Variants in BTRC observed in about 807,000 individuals in gnomAD.
The protein encoded by BTRC is F-box/WD repeat-containing protein 1A.
A neutral mutation model predicts 85.5 loss-of-function variants in BTRC; 42 were observed. The observed-to-expected ratio is 0.49, with a 90% CI of 0.38 to 0.64. BTRC has a LOEUF of 0.64. Among genes scored for constraint, BTRC ranks in the 30% least tolerant of loss-of-function variants. BTRC has a pLI of 0.00. For missense variants in BTRC, 594 were observed against 743.5 expected (o/e 0.80, Z 2.34); for synonymous variants, 255 against 263.3 (o/e 0.97, Z 0.30).
chr10:101,478,939 G>C (rs984963069), intron 3 of BTRC, among the ~76,000 whole-genome samples: 9 of 147,822 alleles, frequency 6.1e-5, no homozygotes, highest in African/African-American at 2.2e-4. Context: ...ACTCCATCTG[G>C]GGAAAAAAAA....
At chr10:101,475,345 G>A (rs557271384) in intron 3 of BTRC, among the ~76,000 whole-genome samples, 25 of 152,296 alleles carry the variant, frequency 1.6e-4, no homozygotes, top group African/African-American at 6.0e-4. Flanking sequence ...TTCAAGACCA[G>A]CCTGGCCAAC....
chr10:101,400,171 T>G (rs192170616), intron 1 of BTRC, among the ~76,000 whole-genome samples: 12 of 152,354 alleles, frequency 7.9e-5, no homozygotes, highest in Non-Finnish European at 1.3e-4. Context: ...ATATTGTAGC[T>G]GCCAATCAGT....
At chr10:101,506,356 G>GTCC (rs1946541448) in intron 4 of BTRC, among the ~76,000 whole-genome samples, 1 of 152,166 alleles carries the variant, frequency 6.6e-6, no homozygotes, top group African/African-American at 2.4e-5. Flanking sequence ...TCAACTCTAA[G>GTCC]TCCTATAAGA....
At chr10:101,520,432 A>G (rs931477061) in intron 4 of BTRC, among the ~76,000 whole-genome samples, 2 of 152,180 alleles carry the variant, frequency 1.3e-5, no homozygotes, top group Non-Finnish European at 2.9e-5. Context: ...TCACTGTTAT[A>G]TTCCTAGTAC....
At chr10:101,540,958 A>G (rs1385406737) in intron 13 of BTRC, among the ~76,000 whole-genome samples, 1 of 152,202 alleles carries the variant, frequency 6.6e-6, no homozygotes, top group Non-Finnish European at 1.5e-5. Context: ...TGTCACAGTT[A>G]TCCCTAAATA....
chr10:101,428,932 C>T (rs1425165847), intron 1 of BTRC, among the ~76,000 whole-genome samples: 1 of 152,192 alleles, frequency 6.6e-6, no homozygotes, highest in Non-Finnish European at 1.5e-5. Context: ...TTCTGAGTAG[C>T]TTGGACCACA....
intron 13 of BTRC, among the ~76,000 whole-genome samples, chr10:101,549,141 A>G (rs187015336): frequency 9.2e-5 from 14 of 151,988 alleles, no homozygotes; most frequent in Non-Finnish European, 2.9e-5. Flanking sequence ...ATTAATAACA[A>G]TAACAGCATT....
chr10:101,495,829 G>C (rs1349063130), intron 4 of BTRC, among the ~76,000 whole-genome samples: 2 of 137,730 alleles, frequency 1.5e-5, no homozygotes, highest in Admixed American at 7.4e-5. Flanking sequence ...AAAAATTCCA[G>C]ATTAAGTTCA....
intron 2 of BTRC, among the ~76,000 whole-genome samples, chr10:101,435,366 C>G (rs1368237871): frequency 6.6e-6 from 1 of 152,126 alleles, no homozygotes; most frequent in Non-Finnish European, 1.5e-5. Flanking sequence ...CTGTACCCAT[C>G]CCCCATATGC....
At chr10:101,361,579 A>G (rs577666714) in intron 1 of BTRC, among the ~76,000 whole-genome samples, 4 of 152,370 alleles carry the variant, frequency 2.6e-5, no homozygotes, top group Admixed American at 6.5e-5. Context: ...GGAGGGGGGA[A>G]GAAATCTCTA....
intron 2 of BTRC, among the ~76,000 whole-genome samples, chr10:101,443,827 A>C (rs982764181): frequency 6.6e-6 from 1 of 152,232 alleles, no homozygotes; most frequent in African/African-American, 2.4e-5. Flanking sequence ...AAGGCTTTAC[A>C]AATAACATGG....
At chr10:101,399,909 A>C (rs1943454256) in intron 1 of BTRC, among the ~76,000 whole-genome samples, 2 of 152,192 alleles carry the variant, frequency 1.3e-5, no homozygotes, top group African/African-American at 4.8e-5. Flanking sequence ...AGAAATACTC[A>C]TTTTGGATCC....
At chr10:101,484,148 G>C (rs1252368159) in intron 4 of BTRC, among the ~76,000 whole-genome samples, 1 of 151,988 alleles carries the variant, frequency 6.6e-6, no homozygotes, top group African/African-American at 2.4e-5. Context: ...GTTGTTATTG[G>C]TTGTTGTCAC....
Position 101,549,713 on chromosome 10 carries a change from C to CAAAAAAAAAAAAAAA in BTRC, c.1657-977_1657-963dup, listed in dbSNP as rs755481178. On this transcript the variant is annotated intron_variant, in intron 13 of 14. Coordinates refer to ENST00000370187, the MANE Select transcript of BTRC (RefSeq NM_033637.4). ...GGGGCGAAAGAGCGAGACTCTGTCT[C>CAAAAAAAAAAAAAAA]AAAAAAAAAAAAAAAAAAAAAAAGA... Among the ~76,000 whole-genome samples, 165 of 42,740 alleles carry CAAAAAAAAAAAAAAA rather than the reference C, an allele frequency of 3.9e-3. 33 individuals are homozygous for CAAAAAAAAAAAAAAA. The highest frequency in any genetic ancestry group is 0.01 in the East Asian group (8 of 792). 28.0% of individuals were successfully genotyped at this position (42,740 alleles called of 152,430 possible).
At position 101,441,879 on chromosome 10, in the gene BTRC, CA is replaced by C. The variant is rs35543012; in HGVS notation, c.156+11448del. ...CCTGGGTGACAGAGTGAGACTGTCT[CA>C]AAAAAAAAAAAAAAAAAAAAGTGTA... On this transcript the variant is annotated intron_variant, in intron 2 of 14. Transcript: ENST00000370187. Among the ~76,000 whole-genome samples, 441 of 85,700 alleles carry C rather than the reference CA, an allele frequency of 5.1e-3. 3 individuals are homozygous for C. The highest frequency in any genetic ancestry group is 0.018 in the African/African-American group (395 of 21,854). 56.2% of individuals were successfully genotyped at this position (85,700 alleles called of 152,430 possible). A position where few individuals can be genotyped will look rare whatever the true frequency, so the allele number is the denominator to read the frequency against.
chr10:101,419,824 A>C (rs1944049454), intron 1 of BTRC, among the ~76,000 whole-genome samples: 2 of 151,904 alleles, frequency 1.3e-5, no homozygotes, highest in Non-Finnish European at 2.9e-5. Flanking sequence ...TCAGTCTTTC[A>C]CTCTGGCCCC....
Position 101,392,640 on chromosome 10 carries a change from C to A in BTRC, c.49-37705C>A, listed in dbSNP as rs563294741. 3.9e-5 allele frequency among the ~76,000 whole-genome samples: 6 copies of A among 152,074 alleles called. No individual in the cohort carries two copies. In the East Asian group the frequency reaches 1.2e-3, roughly 29 times the overall value. On this transcript the variant is annotated intron_variant, in intron 1 of 14. Coordinates refer to ENST00000370187, the MANE Select transcript of BTRC (RefSeq NM_033637.4). ...TCAGCCTCCCAAATAGTTGGGATTA[C>A]GGGTGCCCACCACCACACCTGGCTA... is the stretch of plus-strand genomic sequence containing the variant.
intron 4 of BTRC, among the ~76,000 whole-genome samples, chr10:101,506,879 G>A (rs1946556327): frequency 6.6e-6 from 1 of 152,128 alleles, no homozygotes; most frequent in African/African-American, 2.4e-5. Flanking sequence ...TAGGAATTCT[G>A]CAGTTAATTG....
At chr10:101,488,526 A>G (rs1033883600) in intron 4 of BTRC, among the ~76,000 whole-genome samples, 12 of 152,210 alleles carry the variant, frequency 7.9e-5, no homozygotes, top group Admixed American at 3.3e-4. Context: ...GTATTAGGCT[A>G]TAGAAGACAT....
Sources: allele counts gnomAD v4.1 joint callset (sites outside exome capture counted in the v4.1 genomes callset), GRCh38; gene constraint gnomAD v4.1.1; transcripts MANE v1.5; gene names NCBI Gene and HGNC (gene_info 2026-07-23, HGNC 2026-07-21).